The following DNAH5 variants were observed in gnomAD, a reference collection of about 807,000 sequenced individuals.
DNAH5 encodes the protein axonemal beta dynein heavy chain 5.
Under a neutral mutation model 518.2 loss-of-function variants are expected in DNAH5, and 372 were observed. The ratio of observed to expected loss-of-function variants is 0.72; its 90% CI spans 0.66 to 0.78. The LOEUF (loss-of-function observed/expected upper bound fraction) is 0.78, where lower values mean the gene tolerates loss of function less well. Among genes scored for constraint, DNAH5 ranks in the 30% least tolerant of loss-of-function variants. The pLI is 0.00. For missense variants in DNAH5, 5,523 were observed against 5,687.0 expected, an observed-to-expected ratio of 0.97 and a Z score of 0.93; for synonymous variants, 2,039 against 2,025.9, an observed-to-expected ratio of 1.01 and a Z score of -0.17.
rs559774091 is a variant in DNAH5, at chr5:13,758,492, CTAAATAAA to C, written c.10419+346_10419+353del. Among the ~76,000 whole-genome samples the C allele has an allele frequency of 3.3e-5, 5 of 152,034 alleles. No individual in the cohort carries two copies. The East Asian group carries it at 7.7e-4, about 23-fold the overall frequency. Reference sequence around the variant, plus strand: ...CCTGGACGACAGAGCAATACTTTGTCTAAATAAATAAATAAATAAATAAACCCACCCTG... The same window carrying C: ...CCTGGACGACAGAGCAATACTTTGTCTAAATAAATAAATAAACCCACCCTG... On this transcript the variant is annotated intron_variant, in intron 61 of 78. Coordinates refer to ENST00000265104, the MANE Select transcript of DNAH5 (RefSeq NM_001369.3).
intron 65 of DNAH5, among the ~76,000 whole-genome samples, chr5:13,744,122 A>G (rs1243994468): frequency 6.6e-6 from 1 of 152,130 alleles, no homozygotes; most frequent in Non-Finnish European, 1.5e-5. Flanking sequence ...AAAATGTGGT[A>G]TACATACACA....
intron 65 of DNAH5, among the ~76,000 whole-genome samples, chr5:13,740,725 T>C (rs1748387090): frequency 6.6e-6 from 1 of 152,122 alleles, no homozygotes; most frequent in Non-Finnish European, 1.5e-5. Context: ...GTCAGGTCTG[T>C]TCTTCCAAAT....
At chr5:13,941,674 G>A (rs1306209962) in intron 1 of DNAH5, among the ~76,000 whole-genome samples, 2 of 152,220 alleles carry the variant, frequency 1.3e-5, no homozygotes, top group Non-Finnish European at 2.9e-5. Context: ...CGGCGGGAGA[G>A]GGAGGTGTGC....
At chr5:13,884,954 G>C (rs541671429) in intron 19 of DNAH5, 35 bp downstream of exon 19, 1 of 1,613,604 alleles carries the variant, frequency 6.2e-7, no homozygotes, top group African/African-American at 1.3e-5. Context: ...AACTATGCCT[G>C]ATCATCCACT....
chr5:13,954,182 C>T (rs1780613329), intron 1 of DNAH5, among the ~76,000 whole-genome samples: 1 of 152,146 alleles, frequency 6.6e-6, no homozygotes, highest in African/African-American at 2.4e-5. Context: ...TCACCAAAGG[C>T]AATCAAAACA....
intron 65 of DNAH5, among the ~76,000 whole-genome samples, chr5:13,739,605 G>A (rs1440319163): frequency 6.6e-6 from 1 of 152,256 alleles, no homozygotes; most frequent in African/African-American, 2.4e-5. Flanking sequence ...CAGAAATCTA[G>A]AGTGAGGCAG....
intron 68 of DNAH5, among the ~76,000 whole-genome samples, chr5:13,733,397 G>A (rs1315048516): frequency 6.6e-6 from 1 of 152,126 alleles, no homozygotes. Context: ...CCTGAGTTGA[G>A]AACGACAGGA....
At position 13,718,796 on chromosome 5, in the gene DNAH5, A is replaced by G. The variant is rs1344417805; in HGVS notation, c.12499+86T>C. On this transcript the variant is annotated intron_variant, in intron 72 of 78. Coordinates refer to ENST00000265104, the MANE Select transcript of DNAH5 (RefSeq NM_001369.3). ...CAGTAGTACTATTTGCTATAACTGT[A>G]TCCTAGCTAATCCTTTTATAATTTT... 3.6e-6 allele frequency: 4 copies of G among 1,122,958 alleles called. No individual in the cohort carries two copies. The Admixed American group carries it at 5.5e-5, about 15-fold the overall frequency. 69.6% of individuals were successfully genotyped at this position (1,122,958 alleles called of 1,614,324 possible).
intron 34 of DNAH5, 50 bp from the exon 35 acceptor site, chr5:13,839,578 A>G: frequency 6.8e-7 from 1 of 1,461,984 alleles, no homozygotes; most frequent in Non-Finnish European, 9.6e-7. Flanking sequence ...TCACTCATTA[A>G]ATATACACGT....
chr5:13,773,199 CA>C (rs1753585421), intron 55 of DNAH5, among the ~76,000 whole-genome samples: 1 of 152,004 alleles, frequency 6.6e-6, no homozygotes, highest in Admixed American at 6.6e-5. Flanking sequence ...GCTATAACCA[CA>C]AAAATTACTG....
chr5:13,792,777 A>G (rs1356330164), intron 49 of DNAH5, among the ~76,000 whole-genome samples: 1 of 152,190 alleles, frequency 6.6e-6, no homozygotes, highest in Non-Finnish European at 1.5e-5. Flanking sequence ...GCCATACTTC[A>G]CTAGCCTGGG....
At chr5:13,795,362 G>A (rs1208390248) in intron 47 of DNAH5, among the ~76,000 whole-genome samples, 3 of 152,076 alleles carry the variant, frequency 2.0e-5, no homozygotes, top group African/African-American at 7.2e-5. Flanking sequence ...AAATGATAAA[G>A]GGGATATCAC....
chr5:14,008,954 G>A (rs1289726583), intron 1 of DNAH5, among the ~76,000 whole-genome samples: 4 of 152,236 alleles, frequency 2.6e-5, no homozygotes, highest in Admixed American at 2.6e-4. Flanking sequence ...GCCTGCCCCT[G>A]CAAGGACAGG....
chr5:13,844,826 A>C lies in DNAH5; in HGVS notation c.5271+11T>G. The stretch of plus-strand genomic sequence containing the variant: ...CGGTGATTGTTGGCCTGCCATTAGA[A>C]TTAGGCGAACCTTTTCGTGGAACTT... On this transcript the variant is annotated intron_variant, in intron 32 of 78. Transcript: ENST00000265104. 6.2e-7 allele frequency: 1 copy of C among 1,614,194 alleles called. No individual in the cohort carries two copies. The highest frequency in any genetic ancestry group is 1.3e-5 in the African/African-American group (1 of 75,056).
intron 55 of DNAH5, among the ~76,000 whole-genome samples, chr5:13,773,795 G>A (rs1198320807): frequency 2.6e-5 from 4 of 152,210 alleles, no homozygotes; most frequent in South Asian, 4.1e-4. Context: ...GGGGGGAAAC[G>A]GAGGGAAGCA....
chr5:13,943,730 C>A (rs553960576), intron 1 of DNAH5, among the ~76,000 whole-genome samples: 1 of 152,202 alleles, frequency 6.6e-6, no homozygotes, highest in East Asian at 1.9e-4. Flanking sequence ...TGGGGATACA[C>A]AAAAAGACAC....
At chr5:13,910,167 C>T (rs1485670264) in intron 12 of DNAH5, among the ~76,000 whole-genome samples, 1 of 152,170 alleles carries the variant, frequency 6.6e-6, no homozygotes, top group Non-Finnish European at 1.5e-5. Flanking sequence ...TCAAATGAAG[C>T]CTGCTGCATG....
chr5:13,692,741 G>A (rs1009264979), intron 78 of DNAH5, among the ~76,000 whole-genome samples: 4 of 152,136 alleles, frequency 2.6e-5, no homozygotes, highest in African/African-American at 9.7e-5. Flanking sequence ...GTAGAAGAAT[G>A]GATGCAGTTT....
intron 65 of DNAH5, among the ~76,000 whole-genome samples, chr5:13,747,496 G>A (rs1374292942): frequency 6.6e-6 from 1 of 152,176 alleles, no homozygotes; most frequent in African/African-American, 2.4e-5. Flanking sequence ...CTAGTTTACA[G>A]TCCCACCAAC....
Sources: gnomAD v4.1 joint callset for allele counts (sites outside exome capture counted in the v4.1 genomes callset) on GRCh38, gnomAD v4.1.1 for gene constraint, MANE v1.5 for transcripts, NCBI Gene and HGNC (gene_info 2026-07-23, HGNC 2026-07-21) for gene names.